Variants in KIF1B observed in about 807,000 individuals in gnomAD.
KIF1B encodes kinesin family member 1B.
A neutral mutation model predicts 241.9 loss-of-function variants in KIF1B; 76 were observed. The observed-to-expected ratio is 0.31, with a 90% CI of 0.26 to 0.38. The LOEUF (loss-of-function observed/expected upper bound fraction) is 0.38, where lower values mean the gene tolerates loss of function less well. Among genes scored for constraint, KIF1B ranks in the 10% least tolerant of loss-of-function variants. The pLI, the probability that KIF1B is intolerant of heterozygous loss-of-function variation, is 1.00. For synonymous variants in KIF1B, 750 were observed against 796.7 expected (o/e 0.94, Z 0.99); for missense variants, 1,622 against 2,271.4 (o/e 0.71, Z 5.81).
rs140427332 is a variant in KIF1B, at chr1:10,262,639, T to C, written c.429+669T>C. ...CCCTTGCCAACATTTTTCTATTTTT[T>C]AATCTTTGCTAATTTGATAATGTAA... is the stretch of plus-strand genomic sequence containing the variant. On this transcript the variant is annotated intron_variant, in intron 5 of 48. Transcript: ENST00000676179. 3.1e-3 allele frequency among the ~76,000 whole-genome samples: 477 copies of C among 152,364 alleles called. 4 individuals carry two copies. The highest frequency in any genetic ancestry group is 0.011 in the African/African-American group (447 of 41,592).
At chr1:10,257,752 T>G (rs1647881176) in intron 3 of KIF1B, among the ~76,000 whole-genome samples, 1 of 152,096 alleles carries the variant, frequency 6.6e-6, no homozygotes, top group Admixed American at 6.5e-5. Flanking sequence ...CTCAGCTCAC[T>G]GCAACCTACA....
chr1:10,293,609 G>A (rs771979963), intron 17 of KIF1B, among the ~76,000 whole-genome samples: 1 of 151,932 alleles, frequency 6.6e-6, no homozygotes, highest in Non-Finnish European at 1.5e-5. Context: ...GCCAAGGGTG[G>A]TCTTGATCTC....
At chr1:10,351,747 T>C (rs551156009) in intron 37 of KIF1B, among the ~76,000 whole-genome samples, 21 of 152,186 alleles carry the variant, frequency 1.4e-4, no homozygotes, top group African/African-American at 3.9e-4. Flanking sequence ...AGGAGGATCG[T>C]TTGAGCTCAG....
At chr1:10,270,898 C>T (rs1648755144) in intron 7 of KIF1B, among the ~76,000 whole-genome samples, 1 of 149,950 alleles carries the variant, frequency 6.7e-6, no homozygotes, top group East Asian at 2.0e-4. Flanking sequence ...TGCATTCCAG[C>T]CTGGGTGACA....
intron 22 of KIF1B, chr1:10,304,804 C>G: frequency 6.7e-7 from 1 of 1,493,152 alleles, no homozygotes; most frequent in Non-Finnish European, 8.9e-7. Flanking sequence ...GTAAAAGTTT[C>G]AACACCTCCC....
At chr1:10,281,867 C>T (rs1649420803) in intron 14 of KIF1B, among the ~76,000 whole-genome samples, 1 of 152,154 alleles carries the variant, frequency 6.6e-6, no homozygotes, top group Non-Finnish European at 1.5e-5. Flanking sequence ...CTGAGCCAGA[C>T]CAATATGGAT....
intron 2 of KIF1B, among the ~76,000 whole-genome samples, chr1:10,252,781 G>A (rs1401893970): frequency 6.6e-6 from 1 of 151,844 alleles, no homozygotes; most frequent in African/African-American, 2.4e-5. Context: ...GTACAGTGGT[G>A]TGATCTTGGC....
intron 5 of KIF1B, among the ~76,000 whole-genome samples, chr1:10,262,793 C>T (rs917427138): frequency 6.6e-5 from 10 of 152,064 alleles, no homozygotes; most frequent in Admixed American, 5.9e-4. Flanking sequence ...GAACTCTTCT[C>T]CTTTAATATT....
intron 2 of KIF1B, among the ~76,000 whole-genome samples, chr1:10,243,699 C>T (rs1167675327): frequency 6.6e-6 from 1 of 152,198 alleles, no homozygotes; most frequent in African/African-American, 2.4e-5. Flanking sequence ...AGCATATCAC[C>T]TCTCACAATA....
At chr1:10,306,620 A>C in intron 22 of KIF1B, 1 of 527,650 alleles carries the variant, frequency 1.9e-6, no homozygotes, top group Non-Finnish European at 2.6e-6. Context: ...GGAAACCACA[A>C]ACTTGCATCA....
chr1:10,229,540 A>G (rs1646951123), intron 1 of KIF1B, among the ~76,000 whole-genome samples: 2 of 152,146 alleles, frequency 1.3e-5, no homozygotes, highest in Admixed American at 1.3e-4. Context: ...AATTTCAAAT[A>G]GCGATGATGC....
chr1:10,364,501 GC>G (rs34869052), intron 41 of KIF1B, among the ~76,000 whole-genome samples: 37,328 of 151,758 alleles, frequency 0.25, 5,195 homozygotes, highest in Admixed American at 0.32. Flanking sequence ...ATCACGCCCG[GC>G]CCCATAGTGT....
At chr1:10,313,159 T>C (rs547117114) in intron 22 of KIF1B, among the ~76,000 whole-genome samples, 22 of 151,412 alleles carry the variant, frequency 1.5e-4, no homozygotes, top group African/African-American at 4.7e-4. Flanking sequence ...TCTGCTGCCC[T>C]GGTTCAAGCG....
chr1:10,230,585 G>A (rs1646967623), intron 1 of KIF1B, among the ~76,000 whole-genome samples: 1 of 152,002 alleles, frequency 6.6e-6, no homozygotes, highest in Non-Finnish European at 1.5e-5. Context: ...ACAGGTGTGT[G>A]CCACCACACC....
intron 1 of KIF1B, among the ~76,000 whole-genome samples, chr1:10,222,743 T>A (rs1356108530): frequency 6.6e-6 from 1 of 152,198 alleles, no homozygotes; most frequent in Admixed American, 6.6e-5. Context: ...TGTTAGTGAA[T>A]GCTTCTGGAA....
chr1:10,262,095 A>T (rs4846210), intron 5 of KIF1B, 125 bp downstream of exon 5: 1 of 761,422 alleles, frequency 1.3e-6, no homozygotes, highest in South Asian at 1.5e-5. Context: ...TTGTCCTTTC[A>T]GGCTATTTCT....
In KIF1B at chr1:10,232,429, C is replaced by G. The variant is rs1269940164; in HGVS notation, c.101C>G (p.Ser34Trp). ...TGCATCATTCAGATGCAAGGCAACTCGACCAGTGAGTACATGTTGTTTTCT... is the reference window on the plus strand; with the variant it reads ...TGCATCATTCAGATGCAAGGCAACTGGACCAGTGAGTACATGTTGTTTTCT... ...SKCIIQMQGN[S>W]TSIINPKNPK... Residue 34 changes from serine (S) to tryptophan (W), a missense_variant, in exon 2 of 49, where the codon TCG becomes TGG. This residue lies in a region of KIF1B where 156 missense variants were observed against 244.8 expected (regional missense o/e 0.64). Transcript: ENST00000676179. 1 of 1,606,668 alleles carries G rather than the reference C, an allele frequency of 6.2e-7. No individual in the cohort carries two copies. The highest frequency in any genetic ancestry group is 1.1e-5 in the South Asian group (1 of 90,866).
Position 10,275,461 on chromosome 1 carries a change from T to C in KIF1B, c.916T>C (p.Tyr306His). ...KKKKKTDFIP[Y>H]RDSVLTWLLR... is the part of the protein sequence containing the mutation. ...GAAGAAGAAAACAGATTTTATTCCC[T>C]ACAGGGATTCTGTACTTACTTGGCT... Residue 306 changes from tyrosine to histidine, a missense_variant, in exon 11 of 49, where the codon TAC (tyrosine) becomes CAC (histidine). Physicochemically the swap from Tyr to His is moderately conservative, Grantham distance 83. This residue lies in a region of KIF1B where 201 missense variants were observed against 301.2 expected (regional missense o/e 0.67). Coordinates refer to ENST00000676179, the MANE Select transcript of KIF1B (RefSeq NM_001365951.3). 2 of 1,586,598 alleles carry C rather than the reference T, an allele frequency of 1.3e-6. No homozygotes were observed. The highest frequency in any genetic ancestry group is 1.7e-6 in the Non-Finnish European group (2 of 1,155,206).
At chr1:10,232,679 A>G (rs1157321248) in intron 2 of KIF1B, among the ~76,000 whole-genome samples, 1 of 152,224 alleles carries the variant, frequency 6.6e-6, no homozygotes, top group Non-Finnish European at 1.5e-5. Flanking sequence ...GCAAGTGTTT[A>G]TGCTTATTAA....
Sources: gnomAD v4.1 joint callset for allele counts (sites outside exome capture counted in the v4.1 genomes callset) on GRCh38, gnomAD v4.1.1 for gene constraint, gnomAD v4.1.1 regional missense constraint, MANE v1.5 for transcripts, NCBI Gene and HGNC (gene_info 2026-07-23, HGNC 2026-07-21) for gene names.